KSR2: variants seen among roughly 807,000 people sequenced by gnomAD.
KSR2 encodes the protein kinase suppressor of ras 2.
Under a neutral mutation model 107.8 loss-of-function variants are expected in KSR2, and 25 were observed. That is an observed-to-expected ratio of 0.23 (90% confidence interval 0.17 to 0.32). KSR2 has a LOEUF of 0.32. KSR2 is among the 10% of genes least tolerant of loss of function. The pLI is 1.00. For synonymous variants in KSR2, 480 were observed against 507.0 expected (o/e 0.95, Z 0.71); for missense variants, 887 against 1,268.9 (o/e 0.70, Z 4.57).
Position 117,778,688 on chromosome 12 carries a change from G to T in KSR2, c.473-17164C>A, listed in dbSNP as rs150695783. On this transcript the variant is annotated intron_variant, in intron 3 of 19. Coordinates refer to ENST00000339824, the MANE Select transcript of KSR2 (RefSeq NM_173598.6). Reference sequence around the variant, plus strand: ...TGGGCTCTCTCATGGGCCTCTGAGGGAGGGAGAAGGAGGTGAGAAGCTTAG... The same window carrying T: ...TGGGCTCTCTCATGGGCCTCTGAGGTAGGGAGAAGGAGGTGAGAAGCTTAG... Among the ~76,000 whole-genome samples, 46 of 152,286 alleles carry T rather than the reference G, an allele frequency of 3.0e-4. 1 individual carries two copies. In the East Asian group the frequency reaches 5.6e-3, roughly 19 times the overall value.
rs1870446260 is a variant in KSR2, at chr12:117,453,669, CATGCGTTAAGTCT to C, written c.*13517_*13529del. On this transcript the variant is annotated 3_prime_UTR_variant, in exon 20 of 20. Transcript: ENST00000339824. ...TTCAAGAGTAATCAATCAAATTAAT[CATGCGTTAAGTCT>C]GTCGAGTGGATCCTGGTACAAGATC... 6.6e-6 allele frequency: 1 copy of C among 152,104 alleles called. No homozygotes were observed. Among genetic ancestry groups the C allele is most frequent in the Non-Finnish European group, 1.5e-5 (1 of 68,036 alleles). 9.4% of individuals were successfully genotyped at this position (152,104 alleles called of 1,614,324 possible).
chr12:117,885,599 T>C (rs752831723), intron 1 of KSR2, among the ~76,000 whole-genome samples: 11 of 151,370 alleles, frequency 7.3e-5, no homozygotes, highest in Non-Finnish European at 1.3e-4. Context: ...CATGCTTATA[T>C]ACCTATAATT....
chr12:117,515,785 G>C (rs889700796), intron 14 of KSR2, among the ~76,000 whole-genome samples: 10 of 152,148 alleles, frequency 6.6e-5, no homozygotes, highest in African/African-American at 1.9e-4. Flanking sequence ...AATTAGTTGG[G>C]TGAGGTGGCA....
chr12:117,505,769 CT>C (rs1239754192), intron 14 of KSR2, among the ~76,000 whole-genome samples: 1 of 152,198 alleles, frequency 6.6e-6, no homozygotes, highest in Non-Finnish European at 1.5e-5. Flanking sequence ...AATGTGACCT[CT>C]TTTTTCTGCC....
intron 5 of KSR2, among the ~76,000 whole-genome samples, chr12:117,590,398 C>A (rs146983799): frequency 2.0e-5 from 3 of 152,150 alleles, no homozygotes; most frequent in Non-Finnish European, 4.4e-5. Context: ...CTGCCACTTA[C>A]GAGCTATGGG....
At chr12:117,817,139 T>A (rs1891399512) in intron 3 of KSR2, among the ~76,000 whole-genome samples, 2 of 152,154 alleles carry the variant, frequency 1.3e-5, no homozygotes, top group South Asian at 2.1e-4. Context: ...TTCAATCAAC[T>A]TCAACTCTTA....
intron 4 of KSR2, among the ~76,000 whole-genome samples, chr12:117,679,679 G>T (rs1168314865): frequency 6.6e-6 from 1 of 152,152 alleles, no homozygotes; most frequent in Non-Finnish European, 1.5e-5. Context: ...CTGTCTTTTA[G>T]CCCATCTGGG....
At chr12:117,789,081 A>G (rs1358829191) in intron 3 of KSR2, among the ~76,000 whole-genome samples, 2 of 152,180 alleles carry the variant, frequency 1.3e-5, no homozygotes, top group East Asian at 3.9e-4. Flanking sequence ...CAGTGATCTC[A>G]CTTTGCAATT....
Position 117,517,810 on chromosome 12 carries a change from C to A in KSR2, c.2219+7042G>T, listed in dbSNP as rs1368115739. 10 of 455,362 alleles carry A rather than the reference C, an allele frequency of 2.2e-5. No individual in the cohort carries two copies. The Admixed American group carries it at 2.4e-4, about 11-fold the overall frequency. 28.2% of individuals were successfully genotyped at this position (455,362 alleles called of 1,614,324 possible). A position where few individuals can be genotyped will look rare whatever the true frequency, so the allele number is the denominator to read the frequency against. On this transcript the variant is annotated intron_variant, in intron 14 of 19. Coordinates refer to ENST00000339824, the MANE Select transcript of KSR2 (RefSeq NM_173598.6). ...GGGACGGAATCTTCATGTGCTCAGG[C>A]CCCCCAACTCCTGTACGTTATATTT... is the stretch of plus-strand genomic sequence containing the variant.
chr12:117,474,675 G>A (rs555895478), intron 17 of KSR2, among the ~76,000 whole-genome samples: 6 of 152,232 alleles, frequency 3.9e-5, no homozygotes, highest in Non-Finnish European at 5.9e-5. Flanking sequence ...GCATCCTGGC[G>A]CTGTGTCCTA....
intron 4 of KSR2, among the ~76,000 whole-genome samples, chr12:117,704,854 A>T (rs1322313673): frequency 7.0e-6 from 1 of 142,678 alleles, no homozygotes; most frequent in African/African-American, 2.7e-5. Context: ...GTGAGACTTC[A>T]TCTCAAAAAA....
chr12:117,616,826 T>C (rs907541659), intron 5 of KSR2, among the ~76,000 whole-genome samples: 4 of 152,218 alleles, frequency 2.6e-5, no homozygotes, highest in Non-Finnish European at 4.4e-5. Context: ...CAACTTGAAA[T>C]ATCTGGCAAT....
intron 4 of KSR2, among the ~76,000 whole-genome samples, chr12:117,743,978 A>C (rs146513634): frequency 6.7e-4 from 102 of 152,238 alleles, no homozygotes; most frequent in African/African-American, 2.4e-3. Context: ...AGCTCCCTTC[A>C]CTTCATTCTC....
At chr12:117,551,307 C>T (rs1418893514) in intron 9 of KSR2, among the ~76,000 whole-genome samples, 4 of 151,926 alleles carry the variant, frequency 2.6e-5, no homozygotes, top group Admixed American at 2.6e-4. Flanking sequence ...CTTCCTATTC[C>T]TCCTGCCTCT....
chr12:117,520,264 G>C (rs1287208263), intron 14 of KSR2, among the ~76,000 whole-genome samples: 1 of 152,190 alleles, frequency 6.6e-6, no homozygotes, highest in East Asian at 1.9e-4. Context: ...ATAGGCACAA[G>C]GATAAATAGG....
chr12:117,772,583 C>G (rs1329373465), intron 3 of KSR2, among the ~76,000 whole-genome samples: 2 of 148,052 alleles, frequency 1.4e-5, no homozygotes, highest in East Asian at 4.3e-4. Flanking sequence ...TACACACACA[C>G]CATTCCCCCA....
At chr12:117,592,812 G>A (rs1186272181) in intron 5 of KSR2, among the ~76,000 whole-genome samples, 3 of 152,156 alleles carry the variant, frequency 2.0e-5, no homozygotes, top group Non-Finnish European at 4.4e-5. Context: ...ACACTAGGTC[G>A]GGTAGGGCAA....
intron 3 of KSR2, among the ~76,000 whole-genome samples, chr12:117,780,743 T>A (rs1368352024): frequency 6.6e-6 from 1 of 152,248 alleles, no homozygotes; most frequent in Non-Finnish European, 1.5e-5. Flanking sequence ...GATTTTTTAA[T>A]GTTTTTAAAT....
intron 4 of KSR2, among the ~76,000 whole-genome samples, chr12:117,750,567 T>A (rs1888578015): frequency 6.6e-6 from 1 of 152,130 alleles, no homozygotes; most frequent in Non-Finnish European, 1.5e-5. Flanking sequence ...GTATATTGAG[T>A]GATGCTAAGG....
Sources: gnomAD v4.1 joint callset for allele counts (sites outside exome capture counted in the v4.1 genomes callset) on GRCh38, gnomAD v4.1.1 for gene constraint, MANE v1.5 for transcripts, NCBI Gene and HGNC (gene_info 2026-07-23, HGNC 2026-07-21) for gene names.